The following DISP1 variants were observed in gnomAD, a reference collection of about 807,000 sequenced individuals.
DISP1 encodes protein dispatched homolog 1.
Under a neutral mutation model 37.3 loss-of-function variants are expected in DISP1, and 30 were observed. The observed-to-expected ratio is 0.80, with a 90% CI of 0.60 to 1.09. The LOEUF (loss-of-function observed/expected upper bound fraction) is 1.09, where lower values mean the gene tolerates loss of function less well. Among genes scored for constraint, DISP1 ranks in the 50% least tolerant of loss-of-function variants. The pLI is 0.00. For synonymous variants in DISP1, 634 were observed against 690.2 expected, an observed-to-expected ratio of 0.92 and a Z score of 1.28; for missense variants, 1,598 against 1,879.5, an observed-to-expected ratio of 0.85 and a Z score of 2.77.
intron 1 of DISP1, among the ~76,000 whole-genome samples, chr1:222,888,238 C>T (rs1228507610): frequency 6.6e-6 from 1 of 152,100 alleles, no homozygotes; most frequent in Non-Finnish European, 1.5e-5. Flanking sequence ...AAGAAAGTCT[C>T]GCTAGTAATT....
chr1:222,971,351 G>T (rs780266046), intron 3 of DISP1, among the ~76,000 whole-genome samples: 2 of 151,702 alleles, frequency 1.3e-5, no homozygotes, highest in African/African-American at 4.8e-5. Context: ...TGGTTACACC[G>T]TTGGAGTTCA....
chr1:223,004,810 G>C lies in DISP1; in HGVS notation c.3413G>C (p.Gly1138Ala), dbSNP rs1202745707. 2 of 1,611,730 alleles carry C rather than the reference G, an allele frequency of 1.2e-6. No individual in the cohort carries two copies. Among genetic ancestry groups the C allele is most frequent in the Non-Finnish European group, 1.7e-6 (2 of 1,179,968 alleles). ...QCMCRCLGPQGTCGQIPLPKK... is the reference protein window; with the variant it reads ...QCMCRCLGPQATCGQIPLPKK... ...ATGTGCCGGTGCCTTGGACCACAGG[G>C]TACCTGTGGTCAGATTCCTTTACCT... The change falls in exon 9 of 9, where the codon GGT (glycine) becomes GCT (alanine). Residue 1138 changes from glycine to alanine, a missense_variant. Coordinates refer to ENST00000675850, the MANE Select transcript of DISP1 (RefSeq NM_001377229.1). The surrounding 1 kb of genome is among the most constrained non-coding windows in gnomAD (Gnocchi z 4.9).
chr1:222,965,350 T>C (rs1406437037), intron 3 of DISP1, among the ~76,000 whole-genome samples: 1 of 152,190 alleles, frequency 6.6e-6, no homozygotes, highest in Non-Finnish European at 1.5e-5. Context: ...GTAAAGTCTG[T>C]AAATGTTGAC....
Position 222,848,554 on chromosome 1 carries a change from A to T in DISP1, c.-159+33476A>T, listed in dbSNP as rs72742226. On this transcript the variant is annotated intron_variant, in intron 1 of 8. Transcript: ENST00000675850. The stretch of plus-strand genomic sequence containing the variant: ...TAAATTATGTGTAAAAATGTGTCCA[A>T]TATTAGATAAAGTTAAGCTATTTAG... 3.2e-3 allele frequency among the ~76,000 whole-genome samples: 491 copies of T among 152,270 alleles called. 1 individual carries two copies. The highest frequency in any genetic ancestry group is 8.5e-3 in the South Asian group (41 of 4,830).
chr1:222,967,735 T>C (rs1676608795), intron 3 of DISP1, among the ~76,000 whole-genome samples: 1 of 152,188 alleles, frequency 6.6e-6, no homozygotes, highest in Non-Finnish European at 1.5e-5. Flanking sequence ...GTGAGTTTGC[T>C]TTGTAAGAAA....
chr1:222,987,951 A>G (rs1264836806), intron 4 of DISP1, among the ~76,000 whole-genome samples: 1 of 152,226 alleles, frequency 6.6e-6, no homozygotes, highest in East Asian at 1.9e-4. Flanking sequence ...TTATTGCTTC[A>G]AAACTAGTTA....
At chr1:222,997,808 A>T (rs1679180056) in intron 8 of DISP1, among the ~76,000 whole-genome samples, 1 of 152,168 alleles carries the variant, frequency 6.6e-6, no homozygotes, top group South Asian at 2.1e-4. Flanking sequence ...GCAGTTAATT[A>T]GGAAGAGAGC....
At position 222,870,819 on chromosome 1, in the gene DISP1, A is replaced by C. The variant is rs554718154; in HGVS notation, c.-159+55741A>C. Among the ~76,000 whole-genome samples the C allele has an allele frequency of 8.6e-3, 1,303 of 151,822 alleles. 15 individuals are homozygous for C. The highest frequency in any genetic ancestry group is 0.015 in the African/African-American group (618 of 41,422). On this transcript the variant is annotated intron_variant, in intron 1 of 8. Coordinates refer to ENST00000675850, the MANE Select transcript of DISP1 (RefSeq NM_001377229.1). ...ATTAGATGCCATTTGTCAATTTTGG[A>C]TTTTGTTGCCATTGCTTTTGGTGTT...
intron 7 of DISP1, among the ~76,000 whole-genome samples, 194 bp from the exon 8 acceptor site, chr1:222,994,691 A>T (rs1158413813): frequency 6.6e-6 from 1 of 152,168 alleles, no homozygotes; most frequent in Non-Finnish European, 1.5e-5. Flanking sequence ...CTTTGCGCTA[A>T]GACAATATTA....
chr1:222,846,821 C>T (rs1056170223), intron 1 of DISP1, among the ~76,000 whole-genome samples: 2 of 152,224 alleles, frequency 1.3e-5, no homozygotes, highest in African/African-American at 4.8e-5. Flanking sequence ...CACATGTATA[C>T]ATGTTGAGGA....
intron 3 of DISP1, among the ~76,000 whole-genome samples, chr1:222,950,031 G>A (rs899962065): frequency 3.3e-5 from 5 of 152,074 alleles, no homozygotes; most frequent in African/African-American, 1.2e-4. Context: ...AGTCACCTGG[G>A]GAATTAAAAA....
At chr1:222,837,289 C>G (rs1299000579) in intron 1 of DISP1, 2 of 386,688 alleles carry the variant, frequency 5.2e-6, no homozygotes, top group African/African-American at 4.1e-5. Context: ...ACTGGCTAGT[C>G]TGGGTTCCCT....
chr1:222,859,048 A>G (rs751377408), intron 1 of DISP1, among the ~76,000 whole-genome samples: 9 of 152,242 alleles, frequency 5.9e-5, no homozygotes, highest in Non-Finnish European at 1.3e-4. Flanking sequence ...TCATTGCAGC[A>G]CTATTCACAA....
intron 3 of DISP1, among the ~76,000 whole-genome samples, chr1:222,974,959 C>G (rs536643349): frequency 1.3e-5 from 2 of 152,246 alleles, no homozygotes; most frequent in East Asian, 3.9e-4. Context: ...TGCAGAATAG[C>G]CTTTCACAGA....
chr1:222,896,891 A>G (rs976669032), intron 1 of DISP1, among the ~76,000 whole-genome samples: 6 of 152,226 alleles, frequency 3.9e-5, no homozygotes, highest in Admixed American at 2.0e-4. Flanking sequence ...GAAAAAGACC[A>G]AGGATTTCAA....
chr1:222,912,716 G>A (rs1470773245), intron 1 of DISP1, among the ~76,000 whole-genome samples: 2 of 152,102 alleles, frequency 1.3e-5, no homozygotes, highest in Non-Finnish European at 2.9e-5. Context: ...TAATCAAAGT[G>A]TTTCTTTTTA....
chr1:222,960,620 C>A (rs887198895), intron 3 of DISP1, among the ~76,000 whole-genome samples: 1 of 151,594 alleles, frequency 6.6e-6, no homozygotes, highest in African/African-American at 2.4e-5. Context: ...TGACTAAGAT[C>A]AGAGCAGAAT....
chr1:222,937,155 T>C (rs1208889620), intron 2 of DISP1, among the ~76,000 whole-genome samples: 4 of 148,490 alleles, frequency 2.7e-5, no homozygotes, highest in Non-Finnish European at 5.9e-5. Context: ...AGTGGCGTGA[T>C]CTCGGCTCAC....
At chr1:222,878,899 G>A (rs190905525) in intron 1 of DISP1, among the ~76,000 whole-genome samples, 52 of 152,220 alleles carry the variant, frequency 3.4e-4, no homozygotes, top group African/African-American at 1.2e-3. Context: ...TAAACCTGAG[G>A]TCTGCTCTCT....
Sources: gnomAD v4.1 joint callset for allele counts (sites outside exome capture counted in the v4.1 genomes callset) on GRCh38, gnomAD v4.1.1 for gene constraint, Gnocchi (gnomAD v3.1) non-coding constraint, MANE v1.5 for transcripts, NCBI Gene and HGNC (gene_info 2026-07-23, HGNC 2026-07-21) for gene names.